The following DOCK4 variants were observed in gnomAD, a reference collection of about 807,000 sequenced individuals.
DOCK4 encodes the protein dedicator of cytokinesis protein 4.
DOCK4 carries 97 observed loss-of-function variants against 268.1 expected under a neutral mutation model. The ratio of observed to expected loss-of-function variants is 0.36; its 90% CI spans 0.31 to 0.43. The LOEUF (loss-of-function observed/expected upper bound fraction) is 0.43, where lower values mean the gene tolerates loss of function less well. Ranked by LOEUF, DOCK4 falls within the 20% of genes least tolerant of loss-of-function variation. The pLI, the probability that DOCK4 is intolerant of heterozygous loss-of-function variation, is 1.00. For missense variants in DOCK4, 2,145 were observed against 2,455.7 expected (o/e 0.87, Z 2.67); for synonymous variants, 954 against 887.2 (o/e 1.08, Z -1.34).
At chr7:111,767,510 C>A (rs1252968548) in intron 37 of DOCK4, among the ~76,000 whole-genome samples, 2 of 152,114 alleles carry the variant, frequency 1.3e-5, no homozygotes, top group Non-Finnish European at 2.9e-5. Context: ...CAGGCATGAG[C>A]CACCGCGCCC....
chr7:111,957,749 T>G (rs1316332175), intron 8 of DOCK4, among the ~76,000 whole-genome samples: 2 of 152,194 alleles, frequency 1.3e-5, no homozygotes, highest in East Asian at 3.8e-4. Flanking sequence ...AAGAATTGTT[T>G]GCTGAATAAA....
At chr7:111,746,266 A>AG in intron 44 of DOCK4, 68 bp downstream of exon 44, 2 of 1,288,356 alleles carry the variant, frequency 1.6e-6, no homozygotes, top group South Asian at 2.6e-5. Context: ...AACCATGCAG[A>AG]GGGGGCTCTA....
chr7:111,876,748 G>GTTT (rs201760586), intron 17 of DOCK4, among the ~76,000 whole-genome samples: 2 of 124,092 alleles, frequency 1.6e-5, no homozygotes, highest in Non-Finnish European at 1.7e-5. Flanking sequence ...TGGTATTTTC[G>GTTT]TTTTTTTTTT....
intron 42 of DOCK4, among the ~76,000 whole-genome samples, chr7:111,748,359 C>T (rs937260977): frequency 3.9e-5 from 6 of 152,058 alleles, no homozygotes; most frequent in Non-Finnish European, 7.4e-5. Flanking sequence ...GATTTTGTAA[C>T]ATGTGTAACC....
chr7:112,084,221 G>A (rs1045371289), intron 1 of DOCK4, among the ~76,000 whole-genome samples: 2 of 152,150 alleles, frequency 1.3e-5, no homozygotes, highest in Non-Finnish European at 2.9e-5. Flanking sequence ...ATTAGTTTAA[G>A]CCACTGAGTT....
intron 1 of DOCK4, among the ~76,000 whole-genome samples, chr7:112,195,273 C>T (rs117904456): frequency 0.12 from 17,716 of 152,142 alleles, 1,304 homozygotes; most frequent in South Asian, 0.18. Context: ...AATGAGACTC[C>T]ATCTCAAAAA....
At chr7:111,891,303 T>C (rs1241752257) in intron 16 of DOCK4, among the ~76,000 whole-genome samples, 1 of 152,174 alleles carries the variant, frequency 6.6e-6, no homozygotes, top group Non-Finnish European at 1.5e-5. Flanking sequence ...CATCTCTGTA[T>C]GCACATATAC....
rs191882159 is a variant in DOCK4 at position 112,162,881 on chromosome 7, T to A, written c.37+43221A>T. On this transcript the variant is annotated intron_variant, in intron 1 of 52. Transcript: ENST00000428084. ...TAACATATAATGTTCTCAAGCACTATTGAATTATCCAAGGACACTTGACTT... is the reference window on the plus strand; with the variant it reads ...TAACATATAATGTTCTCAAGCACTAATGAATTATCCAAGGACACTTGACTT... 5.3e-5 allele frequency among the ~76,000 whole-genome samples: 8 copies of A among 152,304 alleles called. No homozygotes were observed. The East Asian group carries it at 1.4e-3, about 26-fold the overall frequency.
intron 30 of DOCK4, among the ~76,000 whole-genome samples, chr7:111,799,355 C>T (rs1267773217): frequency 6.6e-6 from 1 of 152,204 alleles, no homozygotes; most frequent in African/African-American, 2.4e-5. Context: ...CCTATTACTT[C>T]CAACAAAAAT....
intron 27 of DOCK4, chr7:111,821,688 T>C (rs1017644453): frequency 2.0e-5 from 3 of 152,250 alleles, no homozygotes; most frequent in African/African-American, 7.2e-5. Context: ...AATGCCTGTA[T>C]TTTGTTCTGA....
intron 1 of DOCK4, among the ~76,000 whole-genome samples, chr7:112,092,304 C>T (rs935495482): frequency 2.6e-5 from 4 of 152,176 alleles, no homozygotes; most frequent in African/African-American, 9.7e-5. Flanking sequence ...TTATCAAGTT[C>T]CTACCACGCA....
At chr7:112,027,375 C>A (rs1485220602) in intron 1 of DOCK4, among the ~76,000 whole-genome samples, 1 of 152,104 alleles carries the variant, frequency 6.6e-6, no homozygotes, top group East Asian at 1.9e-4. Flanking sequence ...CAGGTGTGCA[C>A]CACCACACCC....
At chr7:112,042,421 G>T (rs1384254240) in intron 1 of DOCK4, among the ~76,000 whole-genome samples, 1 of 152,100 alleles carries the variant, frequency 6.6e-6, no homozygotes, top group Non-Finnish European at 1.5e-5. Context: ...GAAGGATCAA[G>T]AACCTACCAA....
At chr7:112,081,034 G>T (rs192292526) in intron 1 of DOCK4, among the ~76,000 whole-genome samples, 2 of 152,030 alleles carry the variant, frequency 1.3e-5, no homozygotes, top group African/African-American at 4.8e-5. Flanking sequence ...TAGAGGGTCC[G>T]CCAAGTAGCC....
intron 12 of DOCK4, among the ~76,000 whole-genome samples, chr7:111,920,707 T>C (rs10953699): frequency 0.025 from 3,820 of 152,120 alleles, 65 homozygotes; most frequent in Middle Eastern, 0.037. Context: ...GGGTGGAAAG[T>C]GGGATTTAAG....
At chr7:111,781,510 G>A (rs1181852828) in intron 35 of DOCK4, among the ~76,000 whole-genome samples, 2 of 152,202 alleles carry the variant, frequency 1.3e-5, no homozygotes, top group Non-Finnish European at 2.9e-5. Flanking sequence ...CTAATGGCCT[G>A]CAGGTTACCG....
At chr7:112,053,535 C>T (rs187184209) in intron 1 of DOCK4, among the ~76,000 whole-genome samples, 60 of 152,302 alleles carry the variant, frequency 3.9e-4, no homozygotes, top group African/African-American at 1.3e-3. Flanking sequence ...AAAACCCCAA[C>T]AAGGCATCAT....
chr7:111,944,591 A>G (rs1795469686), intron 10 of DOCK4, among the ~76,000 whole-genome samples: 1 of 152,196 alleles, frequency 6.6e-6, no homozygotes, highest in Non-Finnish European at 1.5e-5. Context: ...TTAATTACTT[A>G]TATTAAAAGA....
In DOCK4 at chr7:111,844,753, A is replaced by C; in HGVS notation, c.2736+10T>G. 6.2e-7 allele frequency: 1 copy of C among 1,611,174 alleles called. No homozygotes were observed. Among genetic ancestry groups the C allele is most frequent in the Non-Finnish European group, 8.5e-7 (1 of 1,178,738 alleles). On this transcript the variant is annotated intron_variant, in intron 25 of 52. Transcript: ENST00000428084. ...CCCTGTTCCACGTGCCATCTGCTCT[A>C]TGATCTTACAGTGACATCCTGGAAC...
Sources: gnomAD v4.1 joint callset for allele counts (sites outside exome capture counted in the v4.1 genomes callset) on GRCh38, gnomAD v4.1.1 for gene constraint, MANE v1.5 for transcripts, NCBI Gene and HGNC (gene_info 2026-07-23, HGNC 2026-07-21) for gene names.